The following CCDC138 variants were observed in gnomAD, a reference collection of about 807,000 sequenced individuals.
The protein encoded by CCDC138 is coiled-coil domain-containing protein 138.
Under a neutral mutation model 82.3 loss-of-function variants are expected in CCDC138, and 66 were observed. The observed-to-expected ratio is 0.80, with a 90% CI of 0.66 to 0.98. The LOEUF is 0.98. Ranked by LOEUF, CCDC138 falls within the 50% of genes least tolerant of loss-of-function variation. The probability of loss-of-function intolerance (pLI) is 0.00; values close to 1 mark genes in which losing one functional copy is unlikely to be tolerated. For synonymous variants in CCDC138, 297 were observed against 265.4 expected (o/e 1.12, Z -1.16); for missense variants, 816 against 758.9 (o/e 1.08, Z -0.88).
At chr2:108,797,981 C>G (rs966204595) in intron 5 of CCDC138, among the ~76,000 whole-genome samples, 25 of 146,304 alleles carry the variant, frequency 1.7e-4, no homozygotes, top group Non-Finnish European at 2.5e-4. Context: ...TTTTTTTTCT[C>G]CAGTGGTACT....
chr2:108,879,141 A>C (rs1326816397), downstream of CCDC138, among the ~76,000 whole-genome samples: 2 of 152,164 alleles, frequency 1.3e-5, no homozygotes, highest in African/African-American at 4.8e-5. Context: ...TTATTTATTT[A>C]TTTAATTTTC....
chr2:108,853,978 TATATA>T (rs1341961943), intron 12 of CCDC138, among the ~76,000 whole-genome samples: 2 of 12,746 alleles, frequency 1.6e-4, no homozygotes, highest in Non-Finnish European at 2.8e-4. Context: ...ATATATATAA[TATATA>T]ATATATAATA....
chr2:108,813,656 G>C (rs974869769), intron 9 of CCDC138, among the ~76,000 whole-genome samples: 6 of 152,100 alleles, frequency 3.9e-5, no homozygotes, highest in African/African-American at 1.4e-4. Context: ...ACATAATGCA[G>C]AAATCCTTTA....
intron 14 of CCDC138, 58 bp from the exon 15 acceptor site, chr2:108,876,030 A>G: frequency 9.1e-7 from 1 of 1,095,752 alleles, no homozygotes; most frequent in Non-Finnish European, 1.3e-6. Flanking sequence ...TGTCAGTGTC[A>G]TTGCAGATAA....
intron 12 of CCDC138, among the ~76,000 whole-genome samples, chr2:108,853,967 A>C (rs1189902425): frequency 1.8e-5 from 2 of 112,914 alleles, no homozygotes; most frequent in East Asian, 2.1e-4. Context: ...TATATAATAA[A>C]ATATATATAA....
At chr2:108,882,583 A>T (rs561699343) in intron 1 of CCDC138, 1 of 152,150 alleles carries the variant, frequency 6.6e-6, no homozygotes, top group South Asian at 2.1e-4. Context: ...CCCATTGTAG[A>T]CCCACTTGCT....
At chr2:108,820,712 A>AAC (rs1553413044) in intron 10 of CCDC138, among the ~76,000 whole-genome samples, 11 of 22,568 alleles carry the variant, frequency 4.9e-4, no homozygotes, top group Admixed American at 8.7e-4. Flanking sequence ...AAAAAAAAAA[A>AAC]AAACAAACAA....
At chr2:108,866,078 A>T (rs1171829699) in intron 13 of CCDC138, among the ~76,000 whole-genome samples, 1 of 152,176 alleles carries the variant, frequency 6.6e-6, no homozygotes, top group African/African-American at 2.4e-5. Flanking sequence ...ACTGGCTTTG[A>T]TGTGACTGGT....
At chr2:108,807,861 G>A (rs1029799948) in intron 7 of CCDC138, among the ~76,000 whole-genome samples, 23 of 152,108 alleles carry the variant, frequency 1.5e-4, no homozygotes, top group African/African-American at 4.8e-4. Flanking sequence ...CACCTGCCTC[G>A]GCCTCCCGAA....
chr2:108,793,627 C>A (rs1351064937), intron 4 of CCDC138, among the ~76,000 whole-genome samples: 1 of 150,732 alleles, frequency 6.6e-6, no homozygotes, highest in Non-Finnish European at 1.5e-5. Flanking sequence ...GATGGAGTCT[C>A]GCTCTGTCGC....
intron 2 of CCDC138, chr2:108,884,288 C>T (rs2105354275): frequency 6.6e-6 from 1 of 152,264 alleles, no homozygotes; most frequent in South Asian, 2.1e-4. Context: ...TGCCTGGTCT[C>T]CCAGATTGTG....
chr2:108,868,522 C>A (rs1312230305), intron 13 of CCDC138, among the ~76,000 whole-genome samples: 1 of 152,196 alleles, frequency 6.6e-6, no homozygotes, highest in Non-Finnish European at 1.5e-5. Context: ...TTCTACCTCA[C>A]CTGTCTCTCT....
intron 6 of CCDC138, among the ~76,000 whole-genome samples, chr2:108,804,209 A>C (rs2149669634): frequency 6.6e-6 from 1 of 152,290 alleles, no homozygotes; most frequent in African/African-American, 2.4e-5. Context: ...ACTTGTTTTA[A>C]AGCTTTATAA....
intron 10 of CCDC138, among the ~76,000 whole-genome samples, chr2:108,822,796 A>C (rs1013595820): frequency 1.3e-5 from 2 of 151,970 alleles, no homozygotes; most frequent in Non-Finnish European, 1.5e-5. Flanking sequence ...TTAAGAGGGA[A>C]GTTTGTAGCT....
chr2:108,873,469 TG>T lies in CCDC138; in HGVS notation c.1714del (p.Glu572LysfsTer26). The T allele has an allele frequency of 6.2e-7, 1 of 1,600,590 alleles. No homozygotes were observed. The highest frequency in any genetic ancestry group is 8.5e-7 in the Non-Finnish European group (1 of 1,174,398). Reference protein sequence around the residue: ...TVESKSLQPFLEACSNSLFFR... With the variant: ...TVESKSLQPFXEACSNSLFFR... ...TTTGCAGAATCCTTGCAGCCTTTCC[TG>T]GAAGCCTGTAGCAACTCTTTATTTT... On this transcript the variant is annotated frameshift_variant, in exon 14 of 15. Transcript: ENST00000295124. LOFTEE classifies it high-confidence loss of function.
Position 108,816,099 on chromosome 2 carries a change from T to C in CCDC138, c.1200T>C (p.Cys400=). Residue 400 remains cysteine, a synonymous_variant, in exon 10 of 15, where the codon TGT becomes TGC. Transcript: ENST00000295124. ...ASQRNDIQEK[C]VKLLPLMTEQ... The stretch of plus-strand genomic sequence containing the variant: ...AGAGAAATGATATTCAGGAGAAGTG[T>C]GTAAAGGTTTGTTTTTTAATTTGAA... The C allele has an allele frequency of 6.3e-7, 1 of 1,598,578 alleles. No individual in the cohort carries two copies. Among genetic ancestry groups the C allele is most frequent in the Non-Finnish European group, 8.5e-7 (1 of 1,173,648 alleles).
chr2:108,845,999 C>G (rs905988069), intron 11 of CCDC138, among the ~76,000 whole-genome samples: 4 of 152,072 alleles, frequency 2.6e-5, no homozygotes, highest in African/African-American at 9.7e-5. Flanking sequence ...ATCTATGATT[C>G]TAACCCAGTA....
chr2:108,851,159 A>C (rs1691415108), intron 12 of CCDC138, among the ~76,000 whole-genome samples: 4 of 152,206 alleles, frequency 2.6e-5, no homozygotes, highest in Non-Finnish European at 5.9e-5. Flanking sequence ...ATGTAGATGA[A>C]GAGAGAGACA....
intron 4 of CCDC138, among the ~76,000 whole-genome samples, chr2:108,793,774 T>C (rs1692356957): frequency 6.6e-6 from 1 of 151,934 alleles, no homozygotes; most frequent in South Asian, 2.1e-4. Context: ...TTTTTTTTTT[T>C]TGTATTTTTA....
Sources: allele counts gnomAD v4.1 joint callset (sites outside exome capture counted in the v4.1 genomes callset), GRCh38; gene constraint gnomAD v4.1.1; transcripts MANE v1.5; gene names NCBI Gene and HGNC (gene_info 2026-07-23, HGNC 2026-07-21).